The following NIBAN1 variants were observed in gnomAD, a reference collection of about 807,000 sequenced individuals.
The protein encoded by NIBAN1 is protein Niban 1.
NIBAN1 carries 81 observed loss-of-function variants against 75.1 expected under a neutral mutation model. The observed-to-expected ratio is 1.08, with a 90% CI of 0.90 to 1.30. The LOEUF (loss-of-function observed/expected upper bound fraction) is 1.30, where lower values mean the gene tolerates loss of function less well. Among genes scored for constraint, NIBAN1 ranks in the 50% most tolerant of loss-of-function variants. NIBAN1 has a pLI of 0.00. For synonymous variants in NIBAN1, 436 were observed against 424.8 expected (o/e 1.03, Z -0.32); for missense variants, 1,133 against 1,128.1 (o/e 1.00, Z -0.06).
chr1:184,908,936 A>G (rs1439954728), intron 1 of NIBAN1, among the ~76,000 whole-genome samples: 3 of 152,212 alleles, frequency 2.0e-5, no homozygotes, highest in Admixed American at 6.5e-5. Flanking sequence ...CATCACAGGA[A>G]CTATGAATCC....
At chr1:184,951,735 A>G (rs201752142) in intron 1 of NIBAN1, among the ~76,000 whole-genome samples, 1 of 152,094 alleles carries the variant, frequency 6.6e-6, no homozygotes, top group East Asian at 1.9e-4. Context: ...CAGTCAGATA[A>G]TTCAGACTAT....
At chr1:184,886,288 G>A (rs1282820196) in intron 4 of NIBAN1, among the ~76,000 whole-genome samples, 8 of 152,128 alleles carry the variant, frequency 5.3e-5, no homozygotes, top group Non-Finnish European at 8.8e-5. Context: ...GTAGGGAGGC[G>A]GGGGAGGGGA....
Position 184,884,634 on chromosome 1 carries a change from A to C in NIBAN1, c.600T>G (p.His200Gln). Residue 200 changes from histidine to glutamine, a missense_variant and splice_region_variant, in exon 5 of 14, where the codon CAT becomes CAG. Coordinates refer to ENST00000367511, the MANE Select transcript of NIBAN1 (RefSeq NM_052966.4). ...LLSDCVRHLN[H>Q]DYMKQMTFEA... ...GATGAGAGGGGAGCCGCGCCATACC[A>C]TGATTGAGATGCCTGACGCAGTCAC... 6.2e-7 allele frequency: 1 copy of C among 1,613,974 alleles called. No homozygotes were observed. Among genetic ancestry groups the C allele is most frequent in the Non-Finnish European group, 8.5e-7 (1 of 1,179,932 alleles).
intron 5 of NIBAN1, among the ~76,000 whole-genome samples, chr1:184,864,159 G>A (rs943819374): frequency 2.3e-4 from 35 of 152,076 alleles, no homozygotes; most frequent in African/African-American, 7.5e-4. Context: ...CCTACCTCTA[G>A]GCAATCTCCT....
At chr1:184,922,489 A>C (rs772492179) in intron 1 of NIBAN1, among the ~76,000 whole-genome samples, 1 of 152,214 alleles carries the variant, frequency 6.6e-6, no homozygotes, top group Non-Finnish European at 1.5e-5. Context: ...AAGTGAGAAC[A>C]TACAAAGGTC....
chr1:184,874,977 C>T (rs1656196177), intron 5 of NIBAN1, among the ~76,000 whole-genome samples: 1 of 152,046 alleles, frequency 6.6e-6, no homozygotes, highest in African/African-American at 2.4e-5. Flanking sequence ...TCATACAAAT[C>T]AGATTTTCTG....
chr1:184,885,413 G>A (rs188134642), intron 4 of NIBAN1, among the ~76,000 whole-genome samples: 8 of 152,200 alleles, frequency 5.3e-5, no homozygotes, highest in African/African-American at 1.4e-4. Context: ...GAGCTCAAGC[G>A]AGCCACCTGA....
chr1:184,888,782 A>G (rs1656595634), intron 4 of NIBAN1, among the ~76,000 whole-genome samples: 1 of 152,206 alleles, frequency 6.6e-6, no homozygotes, highest in South Asian at 2.1e-4. Flanking sequence ...ATGAGTCAAC[A>G]TGTTGGTATT....
intron 4 of NIBAN1, among the ~76,000 whole-genome samples, chr1:184,889,841 T>C (rs975541234): frequency 1.3e-5 from 2 of 152,240 alleles, no homozygotes; most frequent in African/African-American, 4.8e-5. Flanking sequence ...CCAGGGTTTC[T>C]CAACCTTGGC....
At chr1:184,857,033 C>T (rs1323262018) in intron 5 of NIBAN1, among the ~76,000 whole-genome samples, 1 of 152,176 alleles carries the variant, frequency 6.6e-6, no homozygotes, top group Non-Finnish European at 1.5e-5. Flanking sequence ...GTGTCCTCAT[C>T]ACACAGCATT....
intron 5 of NIBAN1, among the ~76,000 whole-genome samples, chr1:184,861,253 A>G (rs1655807093): frequency 6.6e-6 from 1 of 152,256 alleles, no homozygotes; most frequent in Admixed American, 6.5e-5. Flanking sequence ...CTAATTTGCC[A>G]CGTTCACAGA....
chr1:184,867,734 T>G (rs977849702), intron 5 of NIBAN1: 10 of 384,676 alleles, frequency 2.6e-5, no homozygotes, highest in Non-Finnish European at 3.2e-5. Context: ...GAAATCATCC[T>G]CAAACTCTCC....
At chr1:184,934,541 A>T (rs978768479) in intron 1 of NIBAN1, among the ~76,000 whole-genome samples, 2 of 152,164 alleles carry the variant, frequency 1.3e-5, no homozygotes, top group Admixed American at 1.3e-4. Flanking sequence ...AGGTAGGAGG[A>T]TCACTTGAGG....
At chr1:184,909,370 C>T (rs1318086543) in intron 1 of NIBAN1, among the ~76,000 whole-genome samples, 1 of 151,914 alleles carries the variant, frequency 6.6e-6, no homozygotes, top group East Asian at 1.9e-4. Flanking sequence ...GAAATGCTTG[C>T]TTTATATTTT....
chr1:184,831,473 C>A (rs1419433735), intron 6 of NIBAN1, among the ~76,000 whole-genome samples: 1 of 152,124 alleles, frequency 6.6e-6, no homozygotes, highest in Non-Finnish European at 1.5e-5. Context: ...GACTGAAGTC[C>A]AAGTTTGCGG....
At chr1:184,971,647 T>C (rs1471042357) in intron 1 of NIBAN1, among the ~76,000 whole-genome samples, 2 of 151,854 alleles carry the variant, frequency 1.3e-5, no homozygotes, top group African/African-American at 2.4e-5. Context: ...TCCAGCTTGG[T>C]GACAGAGTGA....
At chr1:184,883,543 G>C (rs1019398987) in intron 5 of NIBAN1, among the ~76,000 whole-genome samples, 1 of 152,206 alleles carries the variant, frequency 6.6e-6, no homozygotes, top group African/African-American at 2.4e-5. Context: ...ATTCACCTCA[G>C]TATATCAAAA....
At chr1:184,892,265 A>G (rs1656687616) in intron 3 of NIBAN1, among the ~76,000 whole-genome samples, 1 of 152,122 alleles carries the variant, frequency 6.6e-6, no homozygotes, top group Non-Finnish European at 1.5e-5. Flanking sequence ...TCCTCTCAAC[A>G]CCATGGCAAA....
intron 1 of NIBAN1, among the ~76,000 whole-genome samples, chr1:184,907,321 T>C (rs1481143754): frequency 6.6e-6 from 1 of 152,156 alleles, no homozygotes; most frequent in Non-Finnish European, 1.5e-5. Context: ...AACCAGGTGG[T>C]TATTTCCTGG....
Sources: allele counts gnomAD v4.1 joint callset (sites outside exome capture counted in the v4.1 genomes callset), GRCh38; gene constraint gnomAD v4.1.1; transcripts MANE v1.5; gene names NCBI Gene and HGNC (gene_info 2026-07-23, HGNC 2026-07-21).